The following CMIP variants were observed in gnomAD, a reference collection of about 807,000 sequenced individuals.
CMIP encodes C-Maf-inducing protein.
In CMIP, 13 loss-of-function variants were observed where a neutral mutation model predicts 97.3. The ratio of observed to expected loss-of-function variants is 0.13; its 90% CI spans 0.09 to 0.21. The LOEUF (loss-of-function observed/expected upper bound fraction) is 0.21, where lower values mean the gene tolerates loss of function less well. Ranked by LOEUF, CMIP falls within the 10% of genes least tolerant of loss-of-function variation. The pLI is 1.00. For missense variants in CMIP, 847 were observed against 1,024.9 expected (o/e 0.83, Z 2.37); for synonymous variants, 538 against 436.3 (o/e 1.23, Z -2.91).
At chr16:81,669,432 A>G (rs1281110865) in intron 7 of CMIP, among the ~76,000 whole-genome samples, 6 of 69,856 alleles carry the variant, frequency 8.6e-5, no homozygotes, top group Non-Finnish European at 1.8e-4. Context: ...ACCTCCTTCC[A>G]CACCCCTCTC....
At chr16:81,549,513 G>A (rs1184975073) in intron 1 of CMIP, among the ~76,000 whole-genome samples, 1 of 152,164 alleles carries the variant, frequency 6.6e-6, no homozygotes, top group African/African-American at 2.4e-5. Context: ...CCATGTAGGG[G>A]ATTTTCATGG....
intron 1 of CMIP, among the ~76,000 whole-genome samples, chr16:81,484,340 C>G (rs146499223): frequency 8.1e-4 from 124 of 152,338 alleles, no homozygotes; most frequent in African/African-American, 2.7e-3. Context: ...GTGAAGGAGG[C>G]CTGGTGCAGC....
chr16:81,599,759 C>T (rs2091625914), intron 1 of CMIP, among the ~76,000 whole-genome samples: 1 of 152,186 alleles, frequency 6.6e-6, no homozygotes, highest in South Asian at 2.1e-4. Context: ...CTCTGTGCCT[C>T]AGTTTCTTCC....
chr16:81,447,575 C>T (rs1410547726), intron 1 of CMIP, among the ~76,000 whole-genome samples: 9 of 152,184 alleles, frequency 5.9e-5, no homozygotes, highest in Admixed American at 5.9e-4. Context: ...CCGGAAAGCA[C>T]CTGTCTAGTA....
intron 6 of CMIP, among the ~76,000 whole-genome samples, chr16:81,663,796 G>A (rs542712401): frequency 7.9e-5 from 12 of 152,278 alleles, no homozygotes; most frequent in Admixed American, 7.2e-4. Context: ...GGGAGGAAAG[G>A]GGACCGTGGT....
In CMIP at chr16:81,672,011, C is replaced by T. The variant is rs1397095026; in HGVS notation, c.975C>T (p.Pro325=). ...TGHCPHPRVL[P]NLVAVCLAAI... ...ACTGCCCCCACCCCCGGGTCCTGCC[C>T]AACCTGGTGGCCGTGTGCCTGGCTG... The change falls in exon 9 of 21, where the codon CCC becomes CCT. Residue 325 remains proline (P), a synonymous_variant. Transcript: ENST00000537098. 1 of 1,606,266 alleles carries T rather than the reference C, an allele frequency of 6.2e-7. No individual in the cohort carries two copies.
At chr16:81,704,699 GTCACCCT>G (rs1907923240) in intron 18 of CMIP, among the ~76,000 whole-genome samples, 1 of 16,590 alleles carries the variant, frequency 6.0e-5, no homozygotes, top group Non-Finnish European at 1.2e-4. Flanking sequence ...CCCTGCCCCC[GTCACCCT>G]CCTCCCTGCC....
Position 81,620,943 on chromosome 16 carries a change from T to C in CMIP, c.477+17T>C. 6.2e-7 allele frequency: 1 copy of C among 1,613,786 alleles called. No individual in the cohort carries two copies. Among genetic ancestry groups the C allele is most frequent in the Non-Finnish European group, 8.5e-7 (1 of 1,179,728 alleles). ...CAATGGAAGGTAAGTACTGACTCGG[T>C]TGCTTGTTTAAAGCGACTCAGGCAG... On this transcript the variant is annotated intron_variant, in intron 3 of 20. Transcript: ENST00000537098.
At chr16:81,700,626 T>C (rs1907288495) in intron 15 of CMIP, 1 of 152,460 alleles carries the variant, frequency 6.6e-6, no homozygotes, top group African/African-American at 2.4e-5. Flanking sequence ...ATCGAAGAGT[T>C]GGCAGGCGCA....
In CMIP at chr16:81,621,088, C is replaced by G; in HGVS notation, c.477+162C>G. On this transcript the variant is annotated intron_variant, in intron 3 of 20. Coordinates refer to ENST00000537098, the MANE Select transcript of CMIP (RefSeq NM_198390.3). The surrounding 1 kb of genome is among the most constrained non-coding windows in gnomAD (Gnocchi z 4.1). ...TACCTAAGAGCCCCTGGCCCTTCGTCCTCTGCTGTTCAATTCCTGTCCCCT... is the reference window on the plus strand; with the variant it reads ...TACCTAAGAGCCCCTGGCCCTTCGTGCTCTGCTGTTCAATTCCTGTCCCCT... 1 of 727,628 alleles carries G rather than the reference C, an allele frequency of 1.4e-6. No individual in the cohort carries two copies. Among genetic ancestry groups the G allele is most frequent in the Non-Finnish European group, 2.3e-6 (1 of 443,670 alleles). The allele number at this position is 727,628 out of a possible 1,614,324, so 45.1% of individuals were successfully genotyped here.
At chr16:81,504,660 A>AAAAAAAGAAAAAAG (rs1555524037) in intron 1 of CMIP, among the ~76,000 whole-genome samples, 1 of 139,330 alleles carries the variant, frequency 7.2e-6, no homozygotes. Flanking sequence ...AAAAAAAAAA[A>AAAAAAAGAAAAAAG]AAAAAAGAAA....
intron 1 of CMIP, among the ~76,000 whole-genome samples, chr16:81,538,093 C>T (rs1223581201): frequency 1.3e-5 from 2 of 152,236 alleles, no homozygotes; most frequent in African/African-American, 2.4e-5. Flanking sequence ...CCCCTGTAAC[C>T]CTGTGAGGTA....
chr16:81,459,817 C>T (rs956928900), intron 1 of CMIP, among the ~76,000 whole-genome samples: 4 of 152,224 alleles, frequency 2.6e-5, no homozygotes, highest in African/African-American at 9.6e-5. Flanking sequence ...AGACCAAGCC[C>T]AGGAGGCTGC....
chr16:81,516,060 A>G (rs1006609746), intron 1 of CMIP, among the ~76,000 whole-genome samples: 1 of 152,010 alleles, frequency 6.6e-6, no homozygotes, highest in Non-Finnish European at 1.5e-5. Flanking sequence ...GCTGTTGCTA[A>G]TCTCTGGGTT....
At chr16:81,465,022 G>T (rs567092557) in intron 1 of CMIP, among the ~76,000 whole-genome samples, 1 of 152,298 alleles carries the variant, frequency 6.6e-6, no homozygotes, top group South Asian at 2.1e-4. Context: ...GAACATTGGT[G>T]CAAGTATTTA....
intron 1 of CMIP, among the ~76,000 whole-genome samples, chr16:81,560,382 C>A (rs1456218088): frequency 6.6e-6 from 1 of 151,952 alleles, no homozygotes; most frequent in Non-Finnish European, 1.5e-5. Context: ...CTATTCCTGG[C>A]TCATTTTTTG....
At chr16:81,459,623 C>G (rs1191745101) in intron 1 of CMIP, among the ~76,000 whole-genome samples, 1 of 152,118 alleles carries the variant, frequency 6.6e-6, no homozygotes, top group East Asian at 1.9e-4. Context: ...CTTTTATTTT[C>G]TAAACGATAT....
chr16:81,667,216 GAAGCT>G (rs2092613615), intron 7 of CMIP: 1 of 152,212 alleles, frequency 6.6e-6, no homozygotes, highest in African/African-American at 2.4e-5. Flanking sequence ...TGAGCAAACT[GAAGCT>G]TTGAGAGTCT....
chr16:81,449,668 T>TC (rs1906086676), intron 1 of CMIP, among the ~76,000 whole-genome samples: 6 of 99,620 alleles, frequency 6.0e-5, no homozygotes, highest in African/African-American at 3.0e-4. Flanking sequence ...ACACACAGAT[T>TC]TCCCCCCCCC....
Sources: gnomAD v4.1 joint callset for allele counts (sites outside exome capture counted in the v4.1 genomes callset) on GRCh38, gnomAD v4.1.1 for gene constraint, Gnocchi (gnomAD v3.1) non-coding constraint, MANE v1.5 for transcripts, NCBI Gene and HGNC (gene_info 2026-07-23, HGNC 2026-07-21) for gene names.